TMCO5A: variants seen among roughly 807,000 people sequenced by gnomAD.
TMCO5A encodes the protein transmembrane and coiled-coil domain-containing protein 5A.
A neutral mutation model predicts 42.3 loss-of-function variants in TMCO5A; 34 were observed. The ratio of observed to expected loss-of-function variants is 0.80; its 90% CI spans 0.61 to 1.07. TMCO5A has a LOEUF of 1.07. Among genes scored for constraint, TMCO5A ranks in the 50% least tolerant of loss-of-function variants. The probability of loss-of-function intolerance (pLI) is 0.00; values close to 1 mark genes in which losing one functional copy is unlikely to be tolerated. For synonymous variants in TMCO5A, 131 were observed against 115.6 expected (o/e 1.13, Z -0.86); for missense variants, 357 against 327.9 (o/e 1.09, Z -0.69).
the TMCO5A span, among the ~76,000 whole-genome samples, chr15:38,022,102 AC>A: frequency 6.6e-6 from 1 of 152,070 alleles, no homozygotes; most frequent in Non-Finnish European, 1.5e-5. Context: ...GAGCCATCAC[AC>A]CCGGCCAGTT....
At chr15:38,009,687 C>G in the TMCO5A span, among the ~76,000 whole-genome samples, 1 of 152,124 alleles carries the variant, frequency 6.6e-6, no homozygotes, top group African/African-American at 2.4e-5. Context: ...GATATCCAAA[C>G]TTAGAGGTCA....
chr15:37,944,777 G>C (rs1889876266), intron 10 of TMCO5A, among the ~76,000 whole-genome samples: 1 of 152,052 alleles, frequency 6.6e-6, no homozygotes, highest in African/African-American at 2.4e-5. Context: ...ATCTCACAAG[G>C]AAGGTTAAAG....
At chr15:37,972,032 T>C (rs987258618), downstream of TMCO5A, among the ~76,000 whole-genome samples, 6 of 152,134 alleles carry the variant, frequency 3.9e-5, no homozygotes, top group African/African-American at 1.4e-4. Context: ...AGTGCCCCAC[T>C]CTACTGGTAC....
intron 2 of TMCO5A, chr15:37,936,041 C>A: frequency 3.9e-6 from 1 of 259,306 alleles, no homozygotes; most frequent in Non-Finnish European, 7.2e-6. Flanking sequence ...TTTAAGGAAG[C>A]AAAGCTTCTC....
chr15:37,967,019 T>A (rs769090669), exon 12 of TMCO5A: 24 of 233,520 alleles, frequency 1.0e-4, no homozygotes, highest in Non-Finnish European at 1.7e-4. Flanking sequence ...AAACTCTGTG[T>A]CTTCCTATAA....
the TMCO5A span, among the ~76,000 whole-genome samples, chr15:37,991,393 T>G: frequency 2.0e-5 from 3 of 152,268 alleles, no homozygotes; most frequent in African/African-American, 7.2e-5. Context: ...TGAAGGACTT[T>G]GGCTTCTCAC....
At chr15:37,975,329 G>T in the TMCO5A span, among the ~76,000 whole-genome samples, 2 of 152,190 alleles carry the variant, frequency 1.3e-5, no homozygotes, top group East Asian at 3.8e-4. Context: ...AATACTGTCA[G>T]TGGGGTGTTG....
At chr15:37,968,052 A>G (rs1378595592), downstream of TMCO5A, among the ~76,000 whole-genome samples, 1 of 152,176 alleles carries the variant, frequency 6.6e-6, no homozygotes, top group Admixed American at 6.5e-5. Context: ...ATGTAATTTG[A>G]GATCTTGTTC....
the TMCO5A span, among the ~76,000 whole-genome samples, chr15:38,035,370 A>G: frequency 6.6e-6 from 1 of 152,186 alleles, no homozygotes; most frequent in Non-Finnish European, 1.5e-5. Context: ...CCTAAACTAT[A>G]AGCAGAGATC....
chr15:37,972,371 A>G (rs1243333054), downstream of TMCO5A, among the ~76,000 whole-genome samples: 2 of 152,150 alleles, frequency 1.3e-5, no homozygotes, highest in African/African-American at 4.8e-5. Flanking sequence ...TTGGGTGGGG[A>G]CACAGCCAAA....
At position 37,947,656 on chromosome 15, in the gene TMCO5A, G is replaced by C. The variant is rs767488329; in HGVS notation, c.628G>C (p.Gly210Arg). ...EKEHTSQNNE[G>R]TPTQKTARLF... is the part of the protein sequence containing the mutation. ...TTATCAATATCCTTTCTTCTTCCAG[G>C]GTACTCCTACCCAAAAGACAGCAAG... Residue 210 changes from glycine to arginine, a missense_variant and splice_region_variant, in exon 11 of 12, where the codon GGT becomes CGT. Coordinates refer to ENST00000319669, the MANE Select transcript of TMCO5A (RefSeq NM_152453.4). The C allele has an allele frequency of 2.0e-5, 32 of 1,593,340 alleles. No homozygotes were observed. The highest frequency in any genetic ancestry group is 2.5e-5 in the Non-Finnish European group (29 of 1,165,744).
At chr15:37,978,700 G>T in the TMCO5A span, among the ~76,000 whole-genome samples, 1 of 152,338 alleles carries the variant, frequency 6.6e-6, no homozygotes, top group Non-Finnish European at 1.5e-5. Context: ...GCAGAGGCAA[G>T]GTTGTTGTGC....
At chr15:38,038,848 C>T in the TMCO5A span, among the ~76,000 whole-genome samples, 3 of 152,178 alleles carry the variant, frequency 2.0e-5, no homozygotes, top group East Asian at 1.9e-4. Context: ...AATAGTTACT[C>T]ACTGTATGTT....
At chr15:37,966,413 G>A (rs1250960392) in intron 11 of TMCO5A, among the ~76,000 whole-genome samples, 3 of 152,114 alleles carry the variant, frequency 2.0e-5, no homozygotes, top group Admixed American at 6.6e-5. Context: ...ATAAATGCTT[G>A]AGGAGATGGG....
At chr15:38,031,489 T>C in the TMCO5A span, among the ~76,000 whole-genome samples, 1 of 152,150 alleles carries the variant, frequency 6.6e-6, no homozygotes, top group Non-Finnish European at 1.5e-5. Flanking sequence ...CTCTTGAGGA[T>C]TGCTTACTCT....
the TMCO5A span, among the ~76,000 whole-genome samples, chr15:37,973,308 G>GT: frequency 1.3e-5 from 2 of 151,924 alleles, no homozygotes; most frequent in Non-Finnish European, 2.9e-5. Context: ...ATTTTGAATA[G>GT]TTTTTTATAA....
chr15:37,939,341 C>A (rs1439434366), intron 6 of TMCO5A, among the ~76,000 whole-genome samples: 1 of 152,106 alleles, frequency 6.6e-6, no homozygotes, highest in Non-Finnish European at 1.5e-5. Flanking sequence ...ACCAAATAAG[C>A]TTGCTTGGCT....
At chr15:37,986,380 G>GGTGTGTGTGT in the TMCO5A span, among the ~76,000 whole-genome samples, 1,683 of 139,270 alleles carry the variant, frequency 0.012, 22 homozygotes, top group African/African-American at 0.025. Context: ...GGTAAGGGAT[G>GGTGTGTGTGT]GTGTGTGTGT....
intron 11 of TMCO5A, among the ~76,000 whole-genome samples, chr15:37,949,862 T>G (rs1890098429): frequency 6.6e-6 from 1 of 152,198 alleles, no homozygotes; most frequent in African/African-American, 2.4e-5. Flanking sequence ...AGCTAGTATC[T>G]GTCAGGAAGT....
Sources: gnomAD v4.1 joint callset for allele counts (sites outside exome capture counted in the v4.1 genomes callset) on GRCh38, gnomAD v4.1.1 for gene constraint, MANE v1.5 for transcripts, NCBI Gene and HGNC (gene_info 2026-07-23, HGNC 2026-07-21) for gene names.